The following SLC1A4 variants were observed in gnomAD, a reference collection of about 807,000 sequenced individuals.
SLC1A4 encodes neutral amino acid transporter A.
Under a neutral mutation model 37.7 loss-of-function variants are expected in SLC1A4, and 19 were observed. The ratio of observed to expected loss-of-function variants is 0.50; its 90% CI spans 0.35 to 0.74. The LOEUF is 0.74. SLC1A4 is among the 30% of genes least tolerant of loss of function. The pLI, the probability that SLC1A4 is intolerant of heterozygous loss-of-function variation, is 0.01. For missense variants in SLC1A4, 570 were observed against 712.9 expected (o/e 0.80, Z 2.28); for synonymous variants, 299 against 309.8 (o/e 0.97, Z 0.37).
chr2:64,989,539 A>AT lies in SLC1A4; in HGVS notation c.-105_-104insT, dbSNP rs1238900692. Reference sequence around the variant, plus strand: ...GGAGACCCCCGGGGCGGCTTCCCAGAACCTGCGGAGCACAACTGGCCGACC... The same window carrying AT: ...GGAGACCCCCGGGGCGGCTTCCCAGATACCTGCGGAGCACAACTGGCCGACC... On this transcript the variant is annotated 5_prime_UTR_variant, in exon 1 of 8. Coordinates refer to ENST00000234256, the MANE Select transcript of SLC1A4 (RefSeq NM_003038.5). 2.7e-6 allele frequency: 3 copies of AT among 1,115,372 alleles called. No individual in the cohort carries two copies. Among genetic ancestry groups the AT allele is most frequent in the Non-Finnish European group, 3.5e-6 (3 of 852,292 alleles). The allele number at this position is 1,115,372 out of a possible 1,614,324, so 69.1% of individuals were successfully genotyped here.
Position 65,018,292 on chromosome 2 carries a change from C to G in SLC1A4, c.1229+27C>G. 1 of 1,599,650 alleles carries G rather than the reference C, an allele frequency of 6.3e-7. No individual in the cohort carries two copies. ...TAAGTTCCTCATTCTTTCCCTGGCT[C>G]AAAACTGAAGGCTTTTCTTGTGATT... On this transcript the variant is annotated intron_variant, in intron 6 of 7. Transcript: ENST00000234256. This position sits in a 1 kb window ranked among gnomAD's most constrained non-coding sequence, Gnocchi z 4.3.
Position 64,989,871 on chromosome 2 carries a change from C to A in SLC1A4, c.228C>A (p.Ala76=). The change falls in exon 1 of 8, where the codon GCC becomes GCA. Residue 76 remains alanine, a synonymous_variant. Coordinates refer to ENST00000234256, the MANE Select transcript of SLC1A4 (RefSeq NM_003038.5). ...SLSRTQVTYL[A]FPGEMLLRML... ...GCCGCACGCAGGTCACCTACCTGGC[C>A]TTCCCCGGCGAGATGCTGCTCCGCA... 6.5e-7 allele frequency: 1 copy of A among 1,542,612 alleles called. No homozygotes were observed.
chr2:64,989,165 G>C (rs1013622987), upstream of SLC1A4, among the ~76,000 whole-genome samples: 14 of 151,624 alleles, frequency 9.2e-5, no homozygotes, highest in African/African-American at 3.4e-4. Context: ...GGCCGGCGCC[G>C]CCCGCGCCCC....
chr2:65,015,298 C>T (rs1392155503), intron 4 of SLC1A4, among the ~76,000 whole-genome samples: 1 of 152,028 alleles, frequency 6.6e-6, no homozygotes, highest in Non-Finnish European at 1.5e-5. Flanking sequence ...GAACTCTACA[C>T]TTAAAAATGG....
At chr2:65,020,717 T>A (rs1674384799) in intron 7 of SLC1A4, among the ~76,000 whole-genome samples, 195 bp from the exon 8 acceptor site, 1 of 152,238 alleles carries the variant, frequency 6.6e-6, no homozygotes, top group African/African-American at 2.4e-5. Flanking sequence ...CTCTTTTTTA[T>A]TCTTTCTATA....
intron 1 of SLC1A4, among the ~76,000 whole-genome samples, chr2:64,991,283 AAAC>A (rs142669019): frequency 0.15 from 22,613 of 152,116 alleles, 1,674 homozygotes; most frequent in East Asian, 0.22. Context: ...TGTTCACTTA[AAAC>A]AACAAAAATC....
Position 64,989,564 on chromosome 2 carries a change from C to A in SLC1A4, c.-80C>A. The A allele has an allele frequency of 7.8e-7, 1 of 1,289,594 alleles. No homozygotes were observed. Among genetic ancestry groups the A allele is most frequent in the Non-Finnish European group, 1.0e-6 (1 of 994,978 alleles). The allele number at this position is 1,289,594 out of a possible 1,614,324, so 79.9% of individuals were successfully genotyped here. A position where few individuals can be genotyped will look rare whatever the true frequency, so the allele number is the denominator to read the frequency against. ...AACCTGCGGAGCACAACTGGCCGAC[C>A]GACCCATTCATTGGGAACCCCGTCT... On this transcript the variant is annotated 5_prime_UTR_variant, in exon 1 of 8. Transcript: ENST00000234256.
In SLC1A4 at chr2:65,018,871, A is replaced by G. The variant is rs969389405; in HGVS notation, c.1364+192A>G. On this transcript the variant is annotated intron_variant, in intron 7 of 7. Coordinates refer to ENST00000234256, the MANE Select transcript of SLC1A4 (RefSeq NM_003038.5). The surrounding 1 kb of genome is among the most constrained non-coding windows in gnomAD (Gnocchi z 4.3). ...ACAATATGAGAGTCACATGCCCCCA[A>G]ACATCCAGGAATGACCATGAGATGT... Among the ~76,000 whole-genome samples, 1 of 152,202 alleles carries G rather than the reference A, an allele frequency of 6.6e-6. No homozygotes were observed. Among genetic ancestry groups the G allele is most frequent in the Non-Finnish European group, 1.5e-5 (1 of 68,034 alleles).
At chr2:64,997,777 C>T (rs373268651) in intron 1 of SLC1A4, among the ~76,000 whole-genome samples, 62 of 152,248 alleles carry the variant, frequency 4.1e-4, no homozygotes, top group African/African-American at 1.5e-3. Flanking sequence ...TTCCTTTTTG[C>T]AGGCATATAT....
chr2:65,021,196 C>A lies in SLC1A4; in HGVS notation c.*50C>A. ...GCCAGCAGTGATGTCCCACCCTGTT[C>A]ACCCAGCCGCCAGTCATGGACACAG... On this transcript the variant is annotated 3_prime_UTR_variant, in exon 8 of 8. Coordinates refer to ENST00000234256, the MANE Select transcript of SLC1A4 (RefSeq NM_003038.5). The A allele has an allele frequency of 6.8e-7, 1 of 1,460,366 alleles. No homozygotes were observed. Among genetic ancestry groups the A allele is most frequent in the South Asian group, 1.2e-5 (1 of 85,110 alleles). 90.5% of individuals were successfully genotyped at this position (1,460,366 alleles called of 1,614,324 possible).
chr2:65,009,818 C>T (rs1013266123), intron 3 of SLC1A4, among the ~76,000 whole-genome samples: 1 of 152,074 alleles, frequency 6.6e-6, no homozygotes, highest in African/African-American at 2.4e-5. Flanking sequence ...CCATGTTGAT[C>T]GTGAAAATCT....
In SLC1A4 at chr2:65,010,725, C is replaced by A; in HGVS notation, c.762C>A (p.Leu254=). 1 of 1,614,046 alleles carries A rather than the reference C, an allele frequency of 6.2e-7. No individual in the cohort carries two copies. Among genetic ancestry groups the A allele is most frequent in the Non-Finnish European group, 8.5e-7 (1 of 1,179,972 alleles). Residue 254 remains leucine (L), a synonymous_variant, in exon 4 of 8, where the codon CTC becomes CTA. Transcript: ENST00000234256. ...ACCTCATCCGTTTCTTCAATTCCCT[C>A]AACGAGGCGACGATGGTGCTGGTGT... ...GEDLIRFFNS[L]NEATMVLVSW...
intron 3 of SLC1A4, among the ~76,000 whole-genome samples, chr2:65,004,306 G>A (rs1021025060): frequency 2.0e-5 from 3 of 152,186 alleles, no homozygotes; most frequent in African/African-American, 7.2e-5. Context: ...AGGCTGGAGT[G>A]CAGTGGTGTG....
At position 65,018,146 on chromosome 2, in the gene SLC1A4, T is replaced by C. The variant is rs1303962774; in HGVS notation, c.1110T>C (p.Ile370=). 1 of 1,614,196 alleles carries C rather than the reference T, an allele frequency of 6.2e-7. No homozygotes were observed. The highest frequency in any genetic ancestry group is 1.7e-5 in the Admixed American group (1 of 60,016). The part of the protein sequence containing the change: ...NGVDKRISRF[I]LPIGATVNMD... Reference sequence around the variant, plus strand: ...TGGACAAGAGGATCAGCAGGTTTATTCTCCCCATCGGGGCCACCGTGAACA... The same window carrying C: ...TGGACAAGAGGATCAGCAGGTTTATCCTCCCCATCGGGGCCACCGTGAACA... The change falls in exon 6 of 8, where the codon ATT becomes ATC. Residue 370 remains isoleucine (I), a synonymous_variant. Coordinates refer to ENST00000234256, the MANE Select transcript of SLC1A4 (RefSeq NM_003038.5). The surrounding 1 kb of genome is among the most constrained non-coding windows in gnomAD (Gnocchi z 4.3).
chr2:65,001,452 C>CTT lies in SLC1A4; in HGVS notation c.533_534insTT (p.Phe179CysfsTer21). The CTT allele has an allele frequency of 6.2e-7, 1 of 1,613,868 alleles. No individual in the cohort carries two copies. The highest frequency in any genetic ancestry group is 1.1e-5 in the South Asian group (1 of 91,060). On this transcript the variant is annotated frameshift_variant, in exon 2 of 8. Transcript: ENST00000234256. LOFTEE classifies it high-confidence loss of function. ...GAATGCTTTCTTTTCCAACAGAAAC[C>CTT]TGTTTCCCTCCAATCTTGTGGTTGC...
chr2:64,989,353 T>C (rs7569840), upstream of SLC1A4: 42,307 of 287,318 alleles, frequency 0.15, 3,221 homozygotes, highest in East Asian at 0.22. Context: ...TGGCGCGCCC[T>C]CCTACTTCCC....
At chr2:65,009,540 G>C (rs908892390) in intron 3 of SLC1A4, among the ~76,000 whole-genome samples, 2 of 152,170 alleles carry the variant, frequency 1.3e-5, no homozygotes, top group Non-Finnish European at 2.9e-5. Flanking sequence ...AGTTAATTTG[G>C]AAATTAGAAA....
chr2:65,002,089 G>A (rs1423208792), intron 2 of SLC1A4, among the ~76,000 whole-genome samples: 2 of 152,104 alleles, frequency 1.3e-5, no homozygotes, highest in Non-Finnish European at 2.9e-5. Flanking sequence ...AGACCAGCCT[G>A]GCCAACACGG....
chr2:65,007,447 T>C (rs978569587), intron 3 of SLC1A4, among the ~76,000 whole-genome samples: 1 of 152,158 alleles, frequency 6.6e-6, no homozygotes, highest in East Asian at 1.9e-4. Flanking sequence ...CTCTGGTTGC[T>C]TGTAGTCCCC....
Sources: allele counts gnomAD v4.1 joint callset (sites outside exome capture counted in the v4.1 genomes callset), GRCh38; gene constraint gnomAD v4.1.1; non-coding constraint Gnocchi (gnomAD v3.1); transcripts MANE v1.5; gene names NCBI Gene and HGNC (gene_info 2026-07-23, HGNC 2026-07-21).